Variants in CDH13 observed in about 807,000 individuals in gnomAD.
CDH13 encodes the protein cadherin 13, also known as cadherin-13.
In CDH13, 24 loss-of-function variants were observed where a neutral mutation model predicts 63.8. That is an observed-to-expected ratio of 0.38 (90% CI 0.27 to 0.53). The LOEUF is 0.53. Ranked by LOEUF, CDH13 falls within the 20% of genes least tolerant of loss-of-function variation. The pLI is 0.85. For missense variants in CDH13, 1,049 were observed against 903.1 expected (o/e 1.16, Z -2.07); for synonymous variants, 503 against 355.3 (o/e 1.42, Z -4.67).
chr16:82,767,419 T>C (rs2035096654), intron 1 of CDH13, among the ~76,000 whole-genome samples: 3 of 152,234 alleles, frequency 2.0e-5, no homozygotes, highest in African/African-American at 7.2e-5. Context: ...TATGTAAGGC[T>C]TCCTTGACTC....
At chr16:83,366,633 G>A (rs374399543) in intron 6 of CDH13, among the ~76,000 whole-genome samples, 4 of 152,052 alleles carry the variant, frequency 2.6e-5, no homozygotes, top group Admixed American at 6.6e-5. Flanking sequence ...CAAGCTTTTC[G>A]ATATTCTCCA....
Position 82,993,506 on chromosome 16 carries a change from T to C in CDH13, c.158-38504T>C, listed in dbSNP as rs558762570. ...ATCTTTGACTTCCTCGCCAGCCTCT[T>C]TGCCAAGCCCAAATTCATCATCATT... On this transcript the variant is annotated intron_variant, in intron 2 of 13. Coordinates refer to ENST00000567109, the MANE Select transcript of CDH13 (RefSeq NM_001257.5). 2.4e-3 allele frequency among the ~76,000 whole-genome samples: 369 copies of C among 152,302 alleles called. 2 individuals carry two copies. The highest frequency in any genetic ancestry group is 8.2e-3 in the African/African-American group (341 of 41,568).
At chr16:82,736,169 G>C (rs1334822692) in intron 1 of CDH13, among the ~76,000 whole-genome samples, 2 of 152,148 alleles carry the variant, frequency 1.3e-5, no homozygotes, top group Non-Finnish European at 2.9e-5. Flanking sequence ...TCAAAATCTC[G>C]AAGCCACTTG....
intron 10 of CDH13, among the ~76,000 whole-genome samples, chr16:83,682,958 G>A (rs1259223130): frequency 1.3e-5 from 2 of 152,244 alleles, no homozygotes; most frequent in South Asian, 2.1e-4. Context: ...ACTTAGGAAC[G>A]CACTTCCAGC....
intron 6 of CDH13, among the ~76,000 whole-genome samples, chr16:83,478,816 G>C (rs1038639547): frequency 1.1e-4 from 15 of 141,688 alleles, no homozygotes; most frequent in Non-Finnish European, 2.0e-4. Context: ...TGGCTGGCCA[G>C]TAGAGTCTTT....
Position 83,007,822 on chromosome 16 carries a change from G to A in CDH13, c.158-24188G>A, listed in dbSNP as rs567428105. The stretch of plus-strand genomic sequence containing the variant: ...CTGGGCAACAGAGCAAGACGACTCT[G>A]TCAAAAAAAAAAAAAGAGAGAAAAG... On this transcript the variant is annotated intron_variant, in intron 2 of 13. Coordinates refer to ENST00000567109, the MANE Select transcript of CDH13 (RefSeq NM_001257.5). Among the ~76,000 whole-genome samples the A allele has an allele frequency of 9.4e-4, 126 of 133,432 alleles. 1 individual carries two copies. Among genetic ancestry groups the A allele is most frequent in the African/African-American group, 3.6e-3 (121 of 33,656 alleles). 87.5% of individuals were successfully genotyped at this position (133,432 alleles called of 152,430 possible). A position where few individuals can be genotyped will look rare whatever the true frequency, so the allele number is the denominator to read the frequency against.
chr16:83,490,415 C>T (rs1598142000), intron 7 of CDH13, among the ~76,000 whole-genome samples: 1 of 152,100 alleles, frequency 6.6e-6, no homozygotes, highest in Non-Finnish European at 1.5e-5. Flanking sequence ...TAGAAATGAT[C>T]CTTACTATGT....
chr16:83,477,140 A>T (rs1411544927), intron 6 of CDH13, among the ~76,000 whole-genome samples: 2 of 152,236 alleles, frequency 1.3e-5, no homozygotes, highest in Admixed American at 6.5e-5. Flanking sequence ...TGGAGGCTGA[A>T]CTGCAGCGAA....
At chr16:83,645,196 G>A (rs569871871) in intron 8 of CDH13, among the ~76,000 whole-genome samples, 1 of 152,322 alleles carries the variant, frequency 6.6e-6, no homozygotes, top group East Asian at 1.9e-4. Flanking sequence ...TGTATACACA[G>A]GTGAAATACT....
chr16:82,798,550 C>T (rs2036698821), intron 1 of CDH13, among the ~76,000 whole-genome samples: 1 of 152,144 alleles, frequency 6.6e-6, no homozygotes, highest in South Asian at 2.1e-4. Flanking sequence ...GCCGTAAATA[C>T]AGGTTAACTG....
At chr16:83,337,756 C>G (rs938703537) in intron 5 of CDH13, among the ~76,000 whole-genome samples, 4 of 145,428 alleles carry the variant, frequency 2.8e-5, no homozygotes, top group Non-Finnish European at 4.5e-5. Context: ...ACATAATATA[C>G]AGACGCTCAT....
intron 6 of CDH13, among the ~76,000 whole-genome samples, chr16:83,464,998 C>G (rs2073273152): frequency 6.6e-6 from 1 of 152,184 alleles, no homozygotes; most frequent in Non-Finnish European, 1.5e-5. Flanking sequence ...CACAGTTTCT[C>G]ATTTCAGAAC....
chr16:83,199,716 C>T (rs2038970722), intron 4 of CDH13, among the ~76,000 whole-genome samples: 1 of 152,096 alleles, frequency 6.6e-6, no homozygotes, highest in Admixed American at 6.5e-5. Context: ...TTATTGAGTG[C>T]CTACTATGTG....
intron 3 of CDH13, among the ~76,000 whole-genome samples, chr16:83,107,927 C>G (rs2034856680): frequency 6.6e-6 from 1 of 151,902 alleles, no homozygotes; most frequent in African/African-American, 2.4e-5. Flanking sequence ...TCAAGCAATT[C>G]CCTGCCTCAG....
chr16:83,512,329 T>C (rs1221256501), intron 7 of CDH13, among the ~76,000 whole-genome samples: 4 of 75,210 alleles, frequency 5.3e-5, no homozygotes, highest in Admixed American at 1.7e-4. Context: ...TCAAAATAAA[T>C]AAATAAATAA....
intron 2 of CDH13, chr16:82,954,009 G>T (rs1905678172): frequency 6.6e-6 from 1 of 152,118 alleles, no homozygotes; most frequent in African/African-American, 2.4e-5. Context: ...AGCAGACTCA[G>T]ACATTTATGG....
chr16:82,783,598 C>G (rs145028582), intron 1 of CDH13, among the ~76,000 whole-genome samples: 1 of 152,212 alleles, frequency 6.6e-6, no homozygotes, highest in Non-Finnish European at 1.5e-5. Flanking sequence ...TCTTTTCCTC[C>G]CTGAGCTGTC....
intron 2 of CDH13, among the ~76,000 whole-genome samples, chr16:82,963,584 A>G (rs541762028): frequency 6.6e-6 from 1 of 152,068 alleles, no homozygotes; most frequent in Non-Finnish European, 1.5e-5. Context: ...AACTGTCATT[A>G]TATAACTCAT....
At chr16:82,659,833 G>A (rs190245543) in intron 1 of CDH13, among the ~76,000 whole-genome samples, 1 of 152,294 alleles carries the variant, frequency 6.6e-6, no homozygotes, top group East Asian at 1.9e-4. Flanking sequence ...ATGGCAGGAT[G>A]TCCAGAAGCA....
Sources: allele counts gnomAD v4.1 joint callset (sites outside exome capture counted in the v4.1 genomes callset), GRCh38; gene constraint gnomAD v4.1.1; transcripts MANE v1.5; gene names NCBI Gene and HGNC (gene_info 2026-07-23, HGNC 2026-07-21).